Variants in ZBTB7C observed in about 807,000 individuals in gnomAD.
The protein encoded by ZBTB7C is zinc finger and BTB domain containing 7C.
In ZBTB7C, 8 loss-of-function variants were observed where a neutral mutation model predicts 25.7. The ratio of observed to expected loss-of-function variants is 0.31; its 90% CI spans 0.18 to 0.56. The LOEUF is 0.56. Among genes scored for constraint, ZBTB7C ranks in the 20% least tolerant of loss-of-function variants. ZBTB7C has a pLI of 0.91. For missense variants in ZBTB7C, 824 were observed against 855.2 expected, an observed-to-expected ratio of 0.96 and a Z score of 0.46; for synonymous variants, 394 against 369.0, an observed-to-expected ratio of 1.07 and a Z score of -0.78.
chr18:48,034,284 G>A (rs775317952), intron 4 of ZBTB7C, among the ~76,000 whole-genome samples: 8 of 152,110 alleles, frequency 5.3e-5, no homozygotes, highest in African/African-American at 9.6e-5. Flanking sequence ...CCCATGGTAC[G>A]CTGCCCCACA....
At chr18:48,288,179 T>A (rs1002767964) in intron 2 of ZBTB7C, among the ~76,000 whole-genome samples, 1 of 152,242 alleles carries the variant, frequency 6.6e-6, no homozygotes, top group African/African-American at 2.4e-5. Flanking sequence ...TTAGAATTTA[T>A]AAGAATACAA....
chr18:48,134,132 A>T (rs927802456), intron 3 of ZBTB7C, among the ~76,000 whole-genome samples: 125 of 150,890 alleles, frequency 8.3e-4, no homozygotes, highest in Non-Finnish European at 1.5e-3. Context: ...AGTAGAAAAA[A>T]ACTATTCTTC....
At chr18:48,116,354 G>A (rs532780889) in intron 3 of ZBTB7C, among the ~76,000 whole-genome samples, 1 of 152,202 alleles carries the variant, frequency 6.6e-6, no homozygotes, top group African/African-American at 2.4e-5. Context: ...CCAGCTCCAT[G>A]TGTGCTTGCT....
chr18:48,369,857 C>CA (rs2047344700), intron 1 of ZBTB7C, among the ~76,000 whole-genome samples: 1 of 152,128 alleles, frequency 6.6e-6, no homozygotes, highest in Non-Finnish European at 1.5e-5. Context: ...AATCAGCAAG[C>CA]ATACAGAATA....
At chr18:48,272,755 T>TGTCCAG (rs1320021156) in intron 2 of ZBTB7C, among the ~76,000 whole-genome samples, 1 of 152,146 alleles carries the variant, frequency 6.6e-6, no homozygotes, top group East Asian at 1.9e-4. Flanking sequence ...AACATCCAAA[T>TGTCCAG]GTCCACCAAG....
intron 3 of ZBTB7C, among the ~76,000 whole-genome samples, chr18:48,107,090 A>G (rs1598889596): frequency 6.8e-6 from 1 of 146,046 alleles, no homozygotes; most frequent in South Asian, 2.3e-4. Flanking sequence ...GGAGGGAGGA[A>G]AGGAGAGAGG....
chr18:48,272,251 A>C (rs2044516089), intron 2 of ZBTB7C, among the ~76,000 whole-genome samples: 1 of 152,362 alleles, frequency 6.6e-6, no homozygotes, highest in South Asian at 2.1e-4. Flanking sequence ...TTTGATGGCC[A>C]AAGTAGGACA....
intron 1 of ZBTB7C, among the ~76,000 whole-genome samples, chr18:48,380,803 G>A (rs905667109): frequency 2.0e-5 from 3 of 152,184 alleles, no homozygotes; most frequent in African/African-American, 7.2e-5. Context: ...TGTGACCGAT[G>A]TACCATACTA....
intron 2 of ZBTB7C, among the ~76,000 whole-genome samples, chr18:48,297,142 T>C (rs56277948): frequency 0.14 from 21,984 of 152,234 alleles, 1,718 homozygotes; most frequent in African/African-American, 0.17. Context: ...TATGCCCGCA[T>C]GTTCTAGAGT....
chr18:48,297,595 C>T (rs906357164), intron 2 of ZBTB7C, among the ~76,000 whole-genome samples: 2 of 152,184 alleles, frequency 1.3e-5, no homozygotes, highest in South Asian at 2.1e-4. Flanking sequence ...GTTACCCTAA[C>T]AAATTAGGTG....
intron 2 of ZBTB7C, among the ~76,000 whole-genome samples, chr18:48,294,897 C>T (rs1257145214): frequency 1.3e-5 from 2 of 152,172 alleles, no homozygotes; most frequent in Admixed American, 6.5e-5. Context: ...TTCATTTATA[C>T]AACTTCAGCA....
chr18:48,160,694 G>A (rs2040981923), intron 3 of ZBTB7C, among the ~76,000 whole-genome samples: 2 of 152,264 alleles, frequency 1.3e-5, no homozygotes, highest in Admixed American at 1.3e-4. Flanking sequence ...TCTCCCCCTT[G>A]CCATAGTAAG....
intron 2 of ZBTB7C, among the ~76,000 whole-genome samples, chr18:48,201,862 A>G (rs1369701931): frequency 6.6e-6 from 1 of 152,186 alleles, no homozygotes; most frequent in Admixed American, 6.5e-5. Flanking sequence ...AAACCCAGAG[A>G]GCTGCATAAA....
intron 2 of ZBTB7C, among the ~76,000 whole-genome samples, chr18:48,296,642 C>T (rs1285411809): frequency 6.6e-6 from 1 of 152,206 alleles, no homozygotes; most frequent in Non-Finnish European, 1.5e-5. Flanking sequence ...GGGTGCTCTC[C>T]CAATGCCGTG....
At chr18:48,176,576 T>C (rs896418924) in intron 3 of ZBTB7C, among the ~76,000 whole-genome samples, 2 of 152,030 alleles carry the variant, frequency 1.3e-5, no homozygotes, top group Non-Finnish European at 2.9e-5. Context: ...TGCTGAAGTA[T>C]GTAGGGGTGA....
chr18:48,037,506 G>T (rs959831529), intron 4 of ZBTB7C, among the ~76,000 whole-genome samples: 1 of 152,260 alleles, frequency 6.6e-6, no homozygotes, highest in African/African-American at 2.4e-5. Flanking sequence ...AAGTCTGTCT[G>T]CAGTGACTAC....
chr18:48,153,426 G>A (rs1027832383), intron 3 of ZBTB7C, among the ~76,000 whole-genome samples: 2 of 152,056 alleles, frequency 1.3e-5, no homozygotes, highest in South Asian at 2.1e-4. Context: ...CCTCTCCCTG[G>A]GTAATTCAGG....
intron 3 of ZBTB7C, among the ~76,000 whole-genome samples, chr18:48,180,802 A>G (rs1385387513): frequency 6.6e-6 from 1 of 152,198 alleles, no homozygotes; most frequent in Admixed American, 6.5e-5. Flanking sequence ...AGAACATCAC[A>G]AAGATATAAT....
At position 48,291,063 on chromosome 18, in the gene ZBTB7C, G is replaced by T. The variant is rs552182904; in HGVS notation, c.-79+47111C>A. ...CACCCTAGCCCCAACTCCATCTTAG[G>T]TACCACAGAACCTTCTGCTTTGGGG... On this transcript the variant is annotated intron_variant, in intron 2 of 4. Transcript: ENST00000590800. Among the ~76,000 whole-genome samples, 8 of 152,312 alleles carry T rather than the reference G, an allele frequency of 5.3e-5. No individual in the cohort carries two copies. In the South Asian group the frequency reaches 1.0e-3, roughly 20 times the overall value.
Sources: allele counts gnomAD v4.1 joint callset (sites outside exome capture counted in the v4.1 genomes callset), GRCh38; gene constraint gnomAD v4.1.1; transcripts MANE v1.5; gene names NCBI Gene and HGNC (gene_info 2026-07-23, HGNC 2026-07-21).